Variants in ARFGAP1 observed in about 807,000 individuals in gnomAD.
The protein encoded by ARFGAP1 is ARF GTPase activating protein 1, also known as ADP-ribosylation factor GTPase-activating protein 1.
A neutral mutation model predicts 54.0 loss-of-function variants in ARFGAP1; 26 were observed. The ratio of observed to expected loss-of-function variants is 0.48; its 90% CI spans 0.35 to 0.67. The LOEUF (loss-of-function observed/expected upper bound fraction) is 0.67, where lower values mean the gene tolerates loss of function less well. ARFGAP1 is among the 30% of genes least tolerant of loss of function. The pLI is 0.00. For synonymous variants in ARFGAP1, 248 were observed against 211.9 expected (o/e 1.17, Z -1.48); for missense variants, 525 against 535.8 (o/e 0.98, Z 0.20).
chr20:63,278,278 C>G (rs1318326297), intron 6 of ARFGAP1, 75 bp downstream of exon 6: 1 of 1,485,814 alleles, frequency 6.7e-7, no homozygotes, highest in Non-Finnish European at 9.3e-7. Flanking sequence ...AGGGCTGCTT[C>G]CCTTGGGGCC....
In ARFGAP1 at chr20:63,285,646, C is replaced by A; in HGVS notation, c.775-8C>A. Reference sequence around the variant, plus strand: ...CCCCCATTAATGCCGCTGTCTTCATCCGTGCAGGTGAAGGAGGGAAAGATT... The same window carrying A: ...CCCCCATTAATGCCGCTGTCTTCATACGTGCAGGTGAAGGAGGGAAAGATT... On this transcript the variant is annotated splice_region_variant and splice_polypyrimidine_tract_variant and intron_variant, in intron 10 of 12. Coordinates refer to ENST00000370283, the MANE Select transcript of ARFGAP1 (RefSeq NM_018209.4). The A allele has an allele frequency of 6.2e-7, 1 of 1,613,422 alleles. No individual in the cohort carries two copies. Among genetic ancestry groups the A allele is most frequent in the Non-Finnish European group, 8.5e-7 (1 of 1,179,868 alleles).
At chr20:63,273,018 C>G (rs2067142155) in intron 1 of ARFGAP1, 98 bp downstream of exon 1, 1 of 152,154 alleles carries the variant, frequency 6.6e-6, no homozygotes, top group South Asian at 2.1e-4. Flanking sequence ...CCGCAGCCTC[C>G]TCCACCCGGA....
Position 63,280,710 on chromosome 20 carries a change from C to G in ARFGAP1, c.628-581C>G, listed in dbSNP as rs78376934. 5.7e-3 allele frequency among the ~76,000 whole-genome samples: 863 copies of G among 152,322 alleles called. 7 individuals are homozygous for G. Among genetic ancestry groups the G allele is most frequent in the Middle Eastern group, 0.014 (4 of 294 alleles). ...TGTGGGCTTCATTTTTGTGGCCCTT[C>G]CTTCTGCTGCCTTTTGCTGGGAAGC... On this transcript the variant is annotated intron_variant, in intron 7 of 12. Coordinates refer to ENST00000370283, the MANE Select transcript of ARFGAP1 (RefSeq NM_018209.4).
intron 11 of ARFGAP1, 95 bp from the exon 12 acceptor site, chr20:63,286,271 G>T (rs1028995917): frequency 5.7e-6 from 9 of 1,581,034 alleles, no homozygotes; most frequent in Non-Finnish European, 7.7e-6. Flanking sequence ...GGTCTTCTCA[G>T]CGGGACGGCG....
chr20:63,286,114 C>G (rs940547928), intron 11 of ARFGAP1: 25 of 1,550,110 alleles, frequency 1.6e-5, no homozygotes, highest in Non-Finnish European at 2.1e-5. Flanking sequence ...TCCTCCCCCC[C>G]AAGCATGTGG....
intron 9 of ARFGAP1, chr20:63,283,957 G>A (rs1272026085): frequency 3.1e-5 from 50 of 1,594,118 alleles, no homozygotes; most frequent in East Asian, 2.0e-4. Flanking sequence ...TCCCTCCTGC[G>A]TGCTGCCACT....
intron 11 of ARFGAP1, chr20:63,286,024 CCATTTGGGGCGTG>C (rs1390592985): frequency 1.9e-5 from 29 of 1,545,922 alleles, no homozygotes; most frequent in Non-Finnish European, 2.4e-5. Context: ...GCTCTGCGGG[CCATTTGGGGCGTG>C]CATTTTGTCC....
intron 7 of ARFGAP1, 186 bp downstream of exon 7, chr20:63,279,181 A>G: frequency 1.4e-6 from 1 of 693,418 alleles, no homozygotes; most frequent in African/African-American, 1.8e-5. Flanking sequence ...TCAGATCCCA[A>G]ATGTATTCAA....
chr20:63,285,538 G>C, intron 10 of ARFGAP1, 116 bp from the exon 11 acceptor site: 1 of 1,074,482 alleles, frequency 9.3e-7, no homozygotes, highest in Non-Finnish European at 1.4e-6. Context: ...AGCCTGATGG[G>C]TATCCACATG....
intron 4 of ARFGAP1, 97 bp from the exon 5 acceptor site, chr20:63,277,108 C>A: frequency 1.9e-6 from 2 of 1,042,806 alleles, no homozygotes; most frequent in South Asian, 1.4e-5. Flanking sequence ...GTGGTGGGTG[C>A]TCCAGGCGGG....
rs2067615715 is a variant in ARFGAP1 at position 63,288,157 on chromosome 20, G to A, written c.*284G>A. On this transcript the variant is annotated 3_prime_UTR_variant, in exon 13 of 13. Coordinates refer to ENST00000370283, the MANE Select transcript of ARFGAP1 (RefSeq NM_018209.4). ...GGCCGGGGCTCTGCGTGGCTTGCTG[G>A]GAGGTGGGCTGCAGCACAGAGGCCT... 1 of 588,980 alleles carries A rather than the reference G, an allele frequency of 1.7e-6. No homozygotes were observed. The highest frequency in any genetic ancestry group is 3.1e-6 in the Non-Finnish European group (1 of 320,250). The allele number at this position is 588,980 out of a possible 1,614,324, so 36.5% of individuals were successfully genotyped here. A position where few individuals can be genotyped will look rare whatever the true frequency, so the allele number is the denominator to read the frequency against.
intron 6 of ARFGAP1, 94 bp downstream of exon 6, chr20:63,278,297 G>T: frequency 1.5e-6 from 2 of 1,334,254 alleles, no homozygotes; most frequent in Non-Finnish European, 2.1e-6. Context: ...CCTCCCATGT[G>T]CAGTGGGTGT....
At chr20:63,279,405 C>T in intron 7 of ARFGAP1, 1 of 343,924 alleles carries the variant, frequency 2.9e-6, no homozygotes, top group South Asian at 2.2e-5. Context: ...GGGTTTTCAC[C>T]AGGTTGGCCA....
intron 9 of ARFGAP1, 191 bp downstream of exon 9, chr20:63,283,042 C>T (rs752534957): frequency 6.4e-5 from 41 of 636,776 alleles, no homozygotes; most frequent in Non-Finnish European, 1.0e-4. Context: ...GCCTCATGGA[C>T]CCACTCAGGG....
Position 63,278,839 on chromosome 20 carries a change from C to T in ARFGAP1, c.531-60C>T, listed in dbSNP as rs1003133727. 9.6e-6 allele frequency: 15 copies of T among 1,569,024 alleles called. No individual in the cohort carries two copies. The African/African-American group carries it at 1.4e-4, about 14-fold the overall frequency. ...CCTTGCCTGTGTTCAGGGCCCCACG[C>T]CCTCGGGAGGAGCAGGGTTCATGCC... On this transcript the variant is annotated intron_variant, in intron 6 of 12. Transcript: ENST00000370283.
Position 63,278,980 on chromosome 20 carries a change from G to A in ARFGAP1, c.612G>A (p.Met204Ile). 6.2e-7 allele frequency: 1 copy of A among 1,614,026 alleles called. No individual in the cohort carries two copies. Among genetic ancestry groups the A allele is most frequent in the South Asian group, 1.1e-5 (1 of 91,086 alleles). Residue 204 changes from methionine to isoleucine, a missense_variant, in exon 7 of 13, where the codon ATG (methionine) becomes ATA (isoleucine). Physicochemically the swap from Met to Ile is conservative, Grantham distance 10. Coordinates refer to ENST00000370283, the MANE Select transcript of ARFGAP1 (RefSeq NM_018209.4). ...AAGATGACTTCCTCAACAACGCCAT[G>A]TCCTCCCTGTACTCGGTGAGGACTT... ...KKEDDFLNNA[M>I]SSLYSGWSSF...
chr20:63,285,475 G>C (rs2067507265), intron 10 of ARFGAP1, 179 bp from the exon 11 acceptor site: 2 of 663,876 alleles, frequency 3.0e-6, no homozygotes, highest in Non-Finnish European at 5.2e-6. Flanking sequence ...ACAGTGACAT[G>C]GTTTCTTGAT....
chr20:63,278,445 T>C (rs754119286), intron 6 of ARFGAP1: 19 of 505,166 alleles, frequency 3.8e-5, no homozygotes, highest in Non-Finnish European at 6.4e-5. Flanking sequence ...TGTATTGCAG[T>C]GACCCCCAGC....
chr20:63,273,316 C>T (rs969410345), intron 1 of ARFGAP1: 1 of 152,300 alleles, frequency 6.6e-6, no homozygotes, highest in Non-Finnish European at 1.5e-5. Context: ...CGCTTCAACA[C>T]CCTTTTCCCG....
Sources: gnomAD v4.1 joint callset for allele counts (sites outside exome capture counted in the v4.1 genomes callset) on GRCh38, gnomAD v4.1.1 for gene constraint, MANE v1.5 for transcripts, NCBI Gene and HGNC (gene_info 2026-07-23, HGNC 2026-07-21) for gene names.